Variants in EIF3G observed in about 807,000 individuals in gnomAD.
EIF3G encodes eukaryotic translation initiation factor 3 RNA-binding subunit.
In EIF3G, 10 loss-of-function variants were observed where a neutral mutation model predicts 41.7. The ratio of observed to expected loss-of-function variants is 0.24; its 90% CI spans 0.15 to 0.41. The LOEUF is 0.41. Among genes scored for constraint, EIF3G ranks in the 10% least tolerant of loss-of-function variants. The pLI is 1.00. For synonymous variants in EIF3G, 204 were observed against 172.5 expected (o/e 1.18, Z -1.43); for missense variants, 297 against 444.0 (o/e 0.67, Z 2.98).
chr19:10,118,737 G>GGAGGGGAGAAGGGTCAGGCTC lies in EIF3G; in HGVS notation c.241-31_241-11dup, dbSNP rs1329121038. On this transcript the variant is annotated splice_polypyrimidine_tract_variant and intron_variant, in intron 4 of 10. Coordinates refer to ENST00000253108, the MANE Select transcript of EIF3G (RefSeq NM_003755.5). ...TGAAGGTGCGGACAATCTGAGGATGGGAGGGGAGAAGGGTCAGGCTCCTGG... is the reference window on the plus strand; with the variant it reads ...TGAAGGTGCGGACAATCTGAGGATGGGAGGGGAGAAGGGTCAGGCTCGAGGGGAGAAGGGTCAGGCTCCTGG... 6.2e-7 allele frequency: 1 copy of GGAGGGGAGAAGGGTCAGGCTC among 1,613,792 alleles called. No homozygotes were observed. Among genetic ancestry groups the GGAGGGGAGAAGGGTCAGGCTC allele is most frequent in the Non-Finnish European group, 8.5e-7 (1 of 1,179,918 alleles).
chr19:10,119,545 G>C, intron 2 of EIF3G, 109 bp downstream of exon 2: 1 of 1,383,038 alleles, frequency 7.2e-7, no homozygotes, highest in Non-Finnish European at 9.9e-7. Flanking sequence ...GCGCGGGGCA[G>C]GGGCAGACCG....
intron 10 of EIF3G, 112 bp from the exon 11 acceptor site, chr19:10,115,241 G>A (rs369036581): frequency 2.5e-5 from 35 of 1,403,162 alleles, no homozygotes; most frequent in African/African-American, 1.3e-4. Context: ...ATGTGAGGAC[G>A]AAGCGGGCAC....
intron 2 of EIF3G, 80 bp from the exon 3 acceptor site, chr19:10,119,251 G>A (rs2089285681): frequency 1.4e-6 from 2 of 1,438,774 alleles, no homozygotes; most frequent in Non-Finnish European, 1.9e-6. Context: ...CTTTTGGGAT[G>A]ACGCCTACAG....
In EIF3G at chr19:10,118,745, G is replaced by C. The variant is rs202185401; in HGVS notation, c.241-18C>G. ...CGGACAATCTGAGGATGGGAGGGGA[G>C]AAGGGTCAGGCTCCTGGGACCAAGG... is the stretch of plus-strand genomic sequence containing the variant. On this transcript the variant is annotated intron_variant, in intron 4 of 10. Coordinates refer to ENST00000253108, the MANE Select transcript of EIF3G (RefSeq NM_003755.5). The C allele has an allele frequency of 1.9e-6, 3 of 1,613,686 alleles. No individual in the cohort carries two copies. The African/African-American group carries it at 4.0e-5, about 22-fold the overall frequency.
rs2089255334 is a variant in EIF3G, at chr19:10,116,614, C to T, written c.595+186G>A. 1 of 590,042 alleles carries T rather than the reference C, an allele frequency of 1.7e-6. No homozygotes were observed. Among genetic ancestry groups the T allele is most frequent in the East Asian group, 2.8e-5 (1 of 35,408 alleles). The allele number at this position is 590,042 out of a possible 1,614,324, so 36.6% of individuals were successfully genotyped here. On this transcript the variant is annotated intron_variant, in intron 7 of 10. Transcript: ENST00000253108. This position sits in a 1 kb window ranked among gnomAD's most constrained non-coding sequence, Gnocchi z 4.1. ...ACCAGCAAAGTCACAGCTGCCAAGT[C>T]GCACATATATGGGAGACGCCCGTCT...
At position 10,119,174 on chromosome 19, in the gene EIF3G, G is replaced by A. The variant is rs111350427; in HGVS notation, c.68-3C>T. 4.5e-6 allele frequency: 7 copies of A among 1,572,358 alleles called. No homozygotes were observed. Among genetic ancestry groups the A allele is most frequent in the Middle Eastern group, 1.7e-4 (1 of 6,020 alleles). ...GAGCTCGCTGGTGACACATTTGTCTGCAAAAGGCAGCGTAGGAAGGAGGAG... is the reference window on the plus strand; with the variant it reads ...GAGCTCGCTGGTGACACATTTGTCTACAAAAGGCAGCGTAGGAAGGAGGAG... On this transcript the variant is annotated splice_polypyrimidine_tract_variant and splice_region_variant and intron_variant, in intron 2 of 10. Transcript: ENST00000253108.
rs564333494 is a variant in EIF3G, at chr19:10,116,620, T to C, written c.595+180A>G. The C allele has an allele frequency of 1.6e-6, 1 of 614,336 alleles. No homozygotes were observed. The highest frequency in any genetic ancestry group is 2.8e-5 in the East Asian group (1 of 35,992). The allele number at this position is 614,336 out of a possible 1,614,324, so 38.1% of individuals were successfully genotyped here. On this transcript the variant is annotated intron_variant, in intron 7 of 10. Transcript: ENST00000253108. This position sits in a 1 kb window ranked among gnomAD's most constrained non-coding sequence, Gnocchi z 4.1. The stretch of plus-strand genomic sequence containing the variant: ...AAAGTCACAGCTGCCAAGTCGCACA[T>C]ATATGGGAGACGCCCGTCTCCCAAC...
Position 10,116,659 on chromosome 19 carries a change from G to T in EIF3G, c.595+141C>A. 1.2e-6 allele frequency: 1 copy of T among 828,942 alleles called. No homozygotes were observed. Among genetic ancestry groups the T allele is most frequent in the Non-Finnish European group, 1.9e-6 (1 of 538,012 alleles). The allele number at this position is 828,942 out of a possible 1,614,324, so 51.3% of individuals were successfully genotyped here. The stretch of plus-strand genomic sequence containing the variant: ...CCGTCTCCCAACCATAGGAGGTACA[G>T]CCAATTAGGAAGGCACAGACGCCCC... On this transcript the variant is annotated intron_variant, in intron 7 of 10. Coordinates refer to ENST00000253108, the MANE Select transcript of EIF3G (RefSeq NM_003755.5). The surrounding 1 kb of genome is among the most constrained non-coding windows in gnomAD (Gnocchi z 4.1).
intron 5 of EIF3G, 115 bp from the exon 6 acceptor site, chr19:10,117,303 C>A (rs555603632): frequency 1.4e-6 from 1 of 705,676 alleles, no homozygotes; most frequent in Admixed American, 2.6e-5. Flanking sequence ...CAAACCCCAT[C>A]TTCATCCTCC....
chr19:10,118,287 C>A, intron 5 of EIF3G: 1 of 250,380 alleles, frequency 4.0e-6, no homozygotes, highest in South Asian at 4.3e-5. Flanking sequence ...TAAGCCTGGC[C>A]GGGTGCGATG....
Position 10,116,131 on chromosome 19 carries a change from A to C in EIF3G, c.596-57T>G. 2 of 1,536,534 alleles carry C rather than the reference A, an allele frequency of 1.3e-6. No homozygotes were observed. The highest frequency in any genetic ancestry group is 1.8e-6 in the Non-Finnish European group (2 of 1,124,300). On this transcript the variant is annotated intron_variant, in intron 7 of 10. Coordinates refer to ENST00000253108, the MANE Select transcript of EIF3G (RefSeq NM_003755.5). This position sits in a 1 kb window ranked among gnomAD's most constrained non-coding sequence, Gnocchi z 4.1. ...CACTGTGGCGCAGGCGTGGGGACAG[A>C]GCCGCCCCAGGAAGCTCGGGCTTCA...
At position 10,116,236 on chromosome 19, in the gene EIF3G, A is replaced by G; in HGVS notation, c.596-162T>C. ...GAGGACACCAAGGTGACACCTGAGA[A>G]GCTGACACCATTTGAGCTCCCAGCC... On this transcript the variant is annotated intron_variant, in intron 7 of 10. Transcript: ENST00000253108. This position sits in a 1 kb window ranked among gnomAD's most constrained non-coding sequence, Gnocchi z 4.1. 1 of 665,604 alleles carries G rather than the reference A, an allele frequency of 1.5e-6. No individual in the cohort carries two copies. Among genetic ancestry groups the G allele is most frequent in the Non-Finnish European group, 2.5e-6 (1 of 392,468 alleles). 41.2% of individuals were successfully genotyped at this position (665,604 alleles called of 1,614,324 possible).
In EIF3G at chr19:10,116,599, T is replaced by G. The variant is rs1047628777; in HGVS notation, c.595+201A>C. On this transcript the variant is annotated intron_variant, in intron 7 of 10. Transcript: ENST00000253108. This position sits in a 1 kb window ranked among gnomAD's most constrained non-coding sequence, Gnocchi z 4.1. ...GACAGTCACAGGGCCACCAGCAAAG[T>G]CACAGCTGCCAAGTCGCACATATAT... is the stretch of plus-strand genomic sequence containing the variant. 1.8e-6 allele frequency: 1 copy of G among 566,074 alleles called. No individual in the cohort carries two copies. Among genetic ancestry groups the G allele is most frequent in the African/African-American group, 1.9e-5 (1 of 53,396 alleles). The allele number at this position is 566,074 out of a possible 1,614,324, so 35.1% of individuals were successfully genotyped here.
Position 10,116,300 on chromosome 19 carries a change from C to G in EIF3G, c.596-226G>C, listed in dbSNP as rs77499884. 3,689 of 590,424 alleles carry G rather than the reference C, an allele frequency of 6.2e-3. 107 individuals are homozygous for G. The highest frequency in any genetic ancestry group is 0.045 in the South Asian group (2,232 of 49,664). The allele number at this position is 590,424 out of a possible 1,614,324, so 36.6% of individuals were successfully genotyped here. ...GAGGAGGAGGAGGAGGAGCCCCGAC[C>G]CCACCCCAGAGAGGGCGGGAGGACA... On this transcript the variant is annotated intron_variant, in intron 7 of 10. Coordinates refer to ENST00000253108, the MANE Select transcript of EIF3G (RefSeq NM_003755.5). The surrounding 1 kb of genome is among the most constrained non-coding windows in gnomAD (Gnocchi z 4.1).
At chr19:10,115,851 GGGA>G (rs2089236705) in intron 8 of EIF3G, 31 bp from the exon 9 acceptor site, 1 of 1,607,862 alleles carries the variant, frequency 6.2e-7, no homozygotes, top group Admixed American at 1.7e-5. Context: ...GGCTGTGAGG[GGGA>G]GGACACTGCC....
At chr19:10,118,564 CAA>C (rs61403454) in intron 5 of EIF3G, 102 bp downstream of exon 5, 85,563 of 872,746 alleles carry the variant, frequency 0.098, 2 homozygotes, top group East Asian at 0.13. Flanking sequence ...CACTCTGTCT[CAA>C]AAAAAAAAAA....
In EIF3G at chr19:10,115,531, C is replaced by T. The variant is rs2089227879; in HGVS notation, c.895G>A (p.Gly299Arg). Reference sequence around the variant, plus strand: ...TGGTCGTAGCCAAAGCCGGACACCCCGGCAATGGCACGCGCAGCATCCTCG... The same window carrying T: ...TGGTCGTAGCCAAAGCCGGACACCCTGGCAATGGCACGCGCAGCATCCTCG... ...RREDAARAIA[G>R]VSGFGYDHLI... Residue 299 changes from glycine to arginine, a missense_variant, in exon 10 of 11, where the codon GGG (glycine) becomes AGG (arginine). Coordinates refer to ENST00000253108, the MANE Select transcript of EIF3G (RefSeq NM_003755.5). 1.2e-6 allele frequency: 2 copies of T among 1,613,486 alleles called. No homozygotes were observed. The highest frequency in any genetic ancestry group is 1.7e-6 in the Non-Finnish European group (2 of 1,179,678).
Position 10,118,731 on chromosome 19 carries a change from AG to A in EIF3G, c.241-5del, listed in dbSNP as rs1290873284. The A allele has an allele frequency of 6.2e-7, 1 of 1,613,816 alleles. No individual in the cohort carries two copies. The highest frequency in any genetic ancestry group is 8.5e-7 in the Non-Finnish European group (1 of 1,179,920). ...CAATCCTGAAGGTGCGGACAATCTG[AG>A]GATGGGAGGGGAGAAGGGTCAGGCT... On this transcript the variant is annotated splice_region_variant and splice_polypyrimidine_tract_variant and intron_variant, in intron 4 of 10. Coordinates refer to ENST00000253108, the MANE Select transcript of EIF3G (RefSeq NM_003755.5).
Position 10,118,886 on chromosome 19 carries a change from C to T in EIF3G, c.222G>A (p.Glu74=), listed in dbSNP as rs1160905159. 5 of 1,613,984 alleles carry T rather than the reference C, an allele frequency of 3.1e-6. No homozygotes were observed. The highest frequency in any genetic ancestry group is 2.2e-5 in the East Asian group (1 of 44,886). ...IKTVTEYKID[E]DGKKFKIVRT... is the part of the protein sequence containing the mutation. ...CCCTCACCTTGAACTTCTTGCCATCCTCATCTATCTTGTACTCTGTCACTG... is the reference window on the plus strand; with the variant it reads ...CCCTCACCTTGAACTTCTTGCCATCTTCATCTATCTTGTACTCTGTCACTG... Residue 74 remains glutamate (E), a synonymous_variant, in exon 4 of 11, where the codon GAG becomes GAA. Coordinates refer to ENST00000253108, the MANE Select transcript of EIF3G (RefSeq NM_003755.5).
Sources: gnomAD v4.1 joint callset for allele counts on GRCh38, gnomAD v4.1.1 for gene constraint, Gnocchi (gnomAD v3.1) non-coding constraint, MANE v1.5 for transcripts, NCBI Gene and HGNC (gene_info 2026-07-23, HGNC 2026-07-21) for gene names.